The following CYTH1 variants were observed in gnomAD, a reference collection of about 807,000 sequenced individuals.
CYTH1 encodes cytohesin-1.
In CYTH1, 18 loss-of-function variants were observed where a neutral mutation model predicts 61.8. The ratio of observed to expected loss-of-function variants is 0.29; its 90% CI spans 0.20 to 0.43. CYTH1 has a LOEUF of 0.43. CYTH1 is among the 20% of genes least tolerant of loss of function. CYTH1 has a pLI of 1.00. For missense variants in CYTH1, 336 were observed against 510.5 expected, an observed-to-expected ratio of 0.66 and a Z score of 3.29; for synonymous variants, 174 against 184.3, an observed-to-expected ratio of 0.94 and a Z score of 0.45.
At chr17:78,777,394 G>A (rs1316702575) in intron 1 of CYTH1, among the ~76,000 whole-genome samples, 3 of 151,906 alleles carry the variant, frequency 2.0e-5, no homozygotes, top group South Asian at 2.1e-4. Flanking sequence ...CTCTAGCCTG[G>A]GCAACAGAGC....
chr17:78,703,821 T>C (rs2093038127), intron 3 of CYTH1, among the ~76,000 whole-genome samples: 1 of 152,210 alleles, frequency 6.6e-6, no homozygotes, highest in Admixed American at 6.5e-5. Context: ...CATCTGTTTA[T>C]CCATTCACCA....
Position 78,680,284 on chromosome 17 carries a change from C to T in CYTH1, c.1024G>A (p.Glu342Lys), listed in dbSNP as rs771074240. Residue 342 changes from glutamate to lysine, a missense_variant, in exon 13 of 14, where the codon GAG (glutamate) becomes AAG (lysine). This residue lies in a region of CYTH1 where 83 missense variants were observed against 115.6 expected (regional missense o/e 0.72). Transcript: ENST00000446868. The stretch of plus-strand genomic sequence containing the variant: ...CCCTCCACCACCCGCCCGTCAGCCT[C>T]GGTCTTGCAGGCCTTGATAACTTGG... The part of the protein sequence containing the change: ...KDQVIKACKT[E>K]ADGRVVEGNH... 6.8e-6 allele frequency: 11 copies of T among 1,614,182 alleles called. No individual in the cohort carries two copies. The highest frequency in any genetic ancestry group is 3.3e-5 in the South Asian group (3 of 91,082).
At chr17:78,692,805 G>A (rs2092901991) in intron 10 of CYTH1, among the ~76,000 whole-genome samples, 1 of 152,008 alleles carries the variant, frequency 6.6e-6, no homozygotes, top group Non-Finnish European at 1.5e-5. Context: ...ATGCAAATTT[G>A]CCAGAGTCAG....
intron 5 of CYTH1, 66 bp from the exon 6 acceptor site, chr17:78,701,817 G>C: frequency 1.3e-6 from 2 of 1,512,790 alleles, no homozygotes; most frequent in Non-Finnish European, 9.2e-7. Context: ...AGAATCTCCA[G>C]CCAGGCCATG....
chr17:78,675,752 G>A lies in CYTH1; in HGVS notation c.*339C>T, dbSNP rs1023532956. 57 of 751,988 alleles carry A rather than the reference G, an allele frequency of 7.6e-5. No individual in the cohort carries two copies. The highest frequency in any genetic ancestry group is 4.0e-4 in the Middle Eastern group (1 of 2,516). The allele number at this position is 751,988 out of a possible 1,614,324, so 46.6% of individuals were successfully genotyped here. On this transcript the variant is annotated 3_prime_UTR_variant, in exon 14 of 14. Coordinates refer to ENST00000446868, the MANE Select transcript of CYTH1 (RefSeq NM_004762.6). ...GTGCAGGGTTTGAAGGCTTCTTCACGGGGACAACCAAGAGGTAAACAGTTG... is the reference window on the plus strand; with the variant it reads ...GTGCAGGGTTTGAAGGCTTCTTCACAGGGACAACCAAGAGGTAAACAGTTG...
Position 78,761,827 on chromosome 17 carries a change from T to C in CYTH1, c.22+20375A>G, listed in dbSNP as rs368928262. 7.9e-5 allele frequency among the ~76,000 whole-genome samples: 12 copies of C among 152,378 alleles called. 4 individuals carry two copies. The highest frequency in any genetic ancestry group is 6.5e-5 in the Admixed American group (1 of 15,314). On this transcript the variant is annotated intron_variant, in intron 1 of 13. Transcript: ENST00000446868. Reference sequence around the variant, plus strand: ...ATGCTATACACACACATTTATACGTTTGAGAAAACAGTAGTCCAAAGCAAG... The same window carrying C: ...ATGCTATACACACACATTTATACGTCTGAGAAAACAGTAGTCCAAAGCAAG...
At chr17:78,698,179 G>A (rs554896019) in intron 9 of CYTH1, 90 bp downstream of exon 9, 117 of 1,056,744 alleles carry the variant, frequency 1.1e-4, no homozygotes, top group East Asian at 2.8e-4. Context: ...ACACGCACAC[G>A]CGCACACACG....
At chr17:78,747,296 G>A in intron 1 of CYTH1, among the ~76,000 whole-genome samples, 1 of 152,046 alleles carries the variant, frequency 6.6e-6, no homozygotes, top group East Asian at 1.9e-4. Flanking sequence ...TACTAACGAG[G>A]GGAGTGACTT....
In CYTH1 at chr17:78,700,533, T is replaced by TCC; in HGVS notation, c.438-91_438-90insGG. ...AAACTGCCAATGATTTTTTTTTTCT[T>TCC]TTTTTTTTTGAGATGGAGTCTCACT... On this transcript the variant is annotated intron_variant, in intron 6 of 13. Transcript: ENST00000446868. This position sits in a 1 kb window ranked among gnomAD's most constrained non-coding sequence, Gnocchi z 5.1. 9.6e-7 allele frequency: 1 copy of TCC among 1,040,550 alleles called. No individual in the cohort carries two copies. The highest frequency in any genetic ancestry group is 1.4e-6 in the Non-Finnish European group (1 of 734,568). 64.5% of individuals were successfully genotyped at this position (1,040,550 alleles called of 1,614,324 possible).
rs1446512339 is a variant in CYTH1 at position 78,698,890 on chromosome 17, G to A, written c.629C>T (p.Thr210Ile). 1 of 1,611,526 alleles carries A rather than the reference G, an allele frequency of 6.2e-7. No individual in the cohort carries two copies. Among genetic ancestry groups the A allele is most frequent in the Non-Finnish European group, 8.5e-7 (1 of 1,179,174 alleles). ...GTTCATGGCAATGAACCTCTCCACA[G>A]TGGGCTTATCTTTGACATTGGGGTT... Reference protein sequence around the residue: ...LHNPNVKDKPTVERFIAMNRG... With the variant: ...LHNPNVKDKPIVERFIAMNRG... Residue 210 changes from threonine (T) to isoleucine (I), a missense_variant, in exon 8 of 14, where the codon ACT (threonine) becomes ATT (isoleucine). By Grantham distance (89) the Thr-to-Ile change is moderately conservative (BLOSUM62 -1). Around this residue, in one of 4 missense-constraint regions of CYTH1, gnomAD observed 125 missense variants for 209.9 expected, o/e 0.60. Coordinates refer to ENST00000446868, the MANE Select transcript of CYTH1 (RefSeq NM_004762.6).
At chr17:78,753,789 C>A (rs1305788907) in intron 1 of CYTH1, among the ~76,000 whole-genome samples, 4 of 152,194 alleles carry the variant, frequency 2.6e-5, no homozygotes, top group Admixed American at 2.6e-4. Context: ...ACATCAATCA[C>A]TGATTCTTTA....
chr17:78,699,158 A>G (rs926923893), intron 7 of CYTH1, among the ~76,000 whole-genome samples, 190 bp from the exon 8 acceptor site: 1 of 152,132 alleles, frequency 6.6e-6, no homozygotes, highest in Non-Finnish European at 1.5e-5. Context: ...TGAGGTCAGG[A>G]GTTCAAGCCT....
At chr17:78,772,445 G>C (rs956723245) in intron 1 of CYTH1, among the ~76,000 whole-genome samples, 1 of 152,176 alleles carries the variant, frequency 6.6e-6, no homozygotes, top group Non-Finnish European at 1.5e-5. Flanking sequence ...AAATCTGTTT[G>C]ACATAATCTC....
intron 1 of CYTH1, among the ~76,000 whole-genome samples, chr17:78,753,181 T>C (rs2093387179): frequency 6.6e-6 from 1 of 152,150 alleles, no homozygotes; most frequent in South Asian, 2.1e-4. Context: ...ATGGTCAGGC[T>C]GGGCGTGGTT....
intron 3 of CYTH1, among the ~76,000 whole-genome samples, chr17:78,703,188 T>C (rs911259566): frequency 6.6e-6 from 1 of 151,614 alleles, no homozygotes; most frequent in Non-Finnish European, 1.5e-5. Flanking sequence ...CCGAGGTGGG[T>C]GGATCACAAG....
chr17:78,699,695 C>G (rs1288839458), intron 7 of CYTH1, among the ~76,000 whole-genome samples: 2 of 152,136 alleles, frequency 1.3e-5, no homozygotes, highest in Non-Finnish European at 2.9e-5. Flanking sequence ...TGTAACAAAA[C>G]TGGAAACAAA....
At chr17:78,744,488 A>G (rs1435192785) in intron 1 of CYTH1, among the ~76,000 whole-genome samples, 2 of 152,254 alleles carry the variant, frequency 1.3e-5, no homozygotes, top group Non-Finnish European at 2.9e-5. Flanking sequence ...GGGGTGGAGC[A>G]TAACAAAGAC....
chr17:78,743,193 A>G (rs1012751636), intron 1 of CYTH1, among the ~76,000 whole-genome samples: 1 of 152,262 alleles, frequency 6.6e-6, no homozygotes, highest in Non-Finnish European at 1.5e-5. Context: ...AAAATGAAAA[A>G]AGAAATAAGC....
intron 3 of CYTH1, among the ~76,000 whole-genome samples, chr17:78,706,800 T>A (rs917655022): frequency 2.0e-5 from 3 of 152,196 alleles, no homozygotes; most frequent in African/African-American, 7.2e-5. Flanking sequence ...TTAAATTACA[T>A]CCCCTACAAC....
Sources: allele counts gnomAD v4.1 joint callset (sites outside exome capture counted in the v4.1 genomes callset), GRCh38; gene constraint gnomAD v4.1.1; regional missense constraint gnomAD v4.1.1; non-coding constraint Gnocchi (gnomAD v3.1); transcripts MANE v1.5; gene names NCBI Gene and HGNC (gene_info 2026-07-23, HGNC 2026-07-21).